The following ERC1 variants were observed in gnomAD, a reference collection of about 807,000 sequenced individuals.
ERC1 encodes the protein ELKS/RAB6-interacting/CAST family member 1.
In ERC1, 56 loss-of-function variants were observed where a neutral mutation model predicts 132.0. The ratio of observed to expected loss-of-function variants is 0.42; its 90% CI spans 0.34 to 0.53. The LOEUF is 0.53. ERC1 is among the 20% of genes least tolerant of loss of function. The pLI, the probability that ERC1 is intolerant of heterozygous loss-of-function variation, is 0.03. For synonymous variants in ERC1, 478 were observed against 476.1 expected (o/e 1.00, Z -0.05); for missense variants, 1,202 against 1,349.9 (o/e 0.89, Z 1.72).
intron 2 of ERC1, among the ~76,000 whole-genome samples, chr12:1,059,660 C>T (rs1322577477): frequency 1.1e-4 from 17 of 151,930 alleles, no homozygotes; most frequent in Admixed American, 6.6e-4. Flanking sequence ...GTATGTTGAA[C>T]CATCCTTGCA....
At chr12:1,134,383 G>A (rs1391194254) in intron 7 of ERC1, among the ~76,000 whole-genome samples, 1 of 145,168 alleles carries the variant, frequency 6.9e-6, no homozygotes, top group African/African-American at 2.6e-5. Context: ...GTCTTGCTTT[G>A]CTACCAAGGC....
At chr12:1,132,386 T>C (rs1283226670) in intron 7 of ERC1, among the ~76,000 whole-genome samples, 1 of 152,378 alleles carries the variant, frequency 6.6e-6, no homozygotes, top group Non-Finnish European at 1.5e-5. Flanking sequence ...GCCACACTTA[T>C]ACTAAAGGTT....
At chr12:1,135,617 G>A (rs1050915062) in intron 7 of ERC1, among the ~76,000 whole-genome samples, 1 of 152,134 alleles carries the variant, frequency 6.6e-6, no homozygotes, top group Admixed American at 6.5e-5. Flanking sequence ...TGCAATGACT[G>A]GAGTCCTTAT....
At chr12:1,004,455 G>A (rs7138863) in intron 1 of ERC1, among the ~76,000 whole-genome samples, 35,956 of 137,340 alleles carry the variant, frequency 0.26, 6,308 homozygotes, top group African/African-American at 0.52. Context: ...CGCCCAGGCT[G>A]GAGTGCAGTG....
intron 8 of ERC1, among the ~76,000 whole-genome samples, chr12:1,168,497 T>TTTTTTTG (rs1566132041): frequency 2.1e-5 from 3 of 142,178 alleles, no homozygotes; most frequent in Non-Finnish European, 1.5e-5. Context: ...TTTTTTTTTT[T>TTTTTTTG]TTTGGAGGAG....
intron 18 of ERC1, among the ~76,000 whole-genome samples, chr12:1,484,036 TG>T (rs1338294639): frequency 2.0e-5 from 3 of 149,696 alleles, no homozygotes; most frequent in Admixed American, 2.0e-4. Context: ...CCGGGCGTGG[TG>T]GCTCACGCCT....
At chr12:1,307,004 C>T (rs993464468) in intron 15 of ERC1, among the ~76,000 whole-genome samples, 2 of 152,072 alleles carry the variant, frequency 1.3e-5, no homozygotes, top group Non-Finnish European at 1.5e-5. Context: ...GAAGTGCTGA[C>T]GGGCTCCGGA....
At chr12:1,167,841 T>G (rs537067470) in intron 8 of ERC1, among the ~76,000 whole-genome samples, 2 of 151,654 alleles carry the variant, frequency 1.3e-5, no homozygotes, top group Non-Finnish European at 2.9e-5. Flanking sequence ...CTCAGCCTCC[T>G]TAGTACTCGG....
At chr12:1,372,564 G>T (rs2087369413) in intron 16 of ERC1, among the ~76,000 whole-genome samples, 1 of 152,202 alleles carries the variant, frequency 6.6e-6, no homozygotes, top group Non-Finnish European at 1.5e-5. Flanking sequence ...CGTTAAAATG[G>T]TAACTTTTAT....
At chr12:1,412,173 C>G (rs1379471092) in intron 17 of ERC1, among the ~76,000 whole-genome samples, 4 of 152,240 alleles carry the variant, frequency 2.6e-5, no homozygotes, top group African/African-American at 9.6e-5. Context: ...CCCTAAAACA[C>G]TGCAGAAGTT....
intron 1 of ERC1, among the ~76,000 whole-genome samples, chr12:1,015,781 A>G (rs1459841693): frequency 1.3e-5 from 2 of 152,254 alleles, no homozygotes. Context: ...GTTGAAATAC[A>G]GTATTAAAAA....
rs141315983 is a variant in ERC1, at chr12:1,371,420, G to A, written c.2781-413G>A. Among the ~76,000 whole-genome samples, 229 of 152,330 alleles carry A rather than the reference G, an allele frequency of 1.5e-3. 1 individual carries two copies. Among genetic ancestry groups the A allele is most frequent in the Middle Eastern group, 3.4e-3 (1 of 294 alleles). ...TTCCTGGCTGTACCATTTACTCCAG[G>A]TGTGAACTTGGGCAAGCTGTGTAAA... On this transcript the variant is annotated intron_variant, in intron 15 of 18. Coordinates refer to ENST00000360905, the MANE Select transcript of ERC1 (RefSeq NM_178040.4).
At chr12:1,006,481 C>A (rs1963630276) in intron 1 of ERC1, among the ~76,000 whole-genome samples, 1 of 152,106 alleles carries the variant, frequency 6.6e-6, no homozygotes, top group African/African-American at 2.4e-5. Flanking sequence ...CCTTCCACTC[C>A]TAAGTGATCT....
chr12:1,432,170 G>C (rs1488448442), intron 17 of ERC1, among the ~76,000 whole-genome samples: 1 of 152,182 alleles, frequency 6.6e-6, no homozygotes, highest in African/African-American at 2.4e-5. Flanking sequence ...CTTAGGCTTT[G>C]CAAACTGTGT....
At chr12:1,464,722 G>A (rs560423659) in intron 18 of ERC1, among the ~76,000 whole-genome samples, 102 of 151,544 alleles carry the variant, frequency 6.7e-4, no homozygotes, top group African/African-American at 2.0e-3. Flanking sequence ...GGGTTTCACC[G>A]TGTTAGCCAG....
intron 8 of ERC1, among the ~76,000 whole-genome samples, chr12:1,169,209 A>C (rs760018430): frequency 2.0e-5 from 3 of 152,204 alleles, no homozygotes; most frequent in Non-Finnish European, 4.4e-5. Flanking sequence ...GCGATGATCG[A>C]TGCAACCTAG....
chr12:1,092,413 A>G (rs902797701), intron 3 of ERC1, among the ~76,000 whole-genome samples: 9 of 152,236 alleles, frequency 5.9e-5, no homozygotes, highest in African/African-American at 2.2e-4. Context: ...CAGTCCTGGT[A>G]TATTTGTTTG....
intron 17 of ERC1, among the ~76,000 whole-genome samples, chr12:1,439,694 G>T (rs1001837357): frequency 6.6e-6 from 1 of 152,154 alleles, no homozygotes; most frequent in Non-Finnish European, 1.5e-5. Flanking sequence ...AATTTGGCCT[G>T]ACCACATATC....
chr12:1,323,404 A>G (rs2082245190), intron 15 of ERC1, among the ~76,000 whole-genome samples: 1 of 152,214 alleles, frequency 6.6e-6, no homozygotes, highest in South Asian at 2.1e-4. Context: ...TACATATTGC[A>G]GTTTTTCAGG....
Sources: gnomAD v4.1 joint callset for allele counts (sites outside exome capture counted in the v4.1 genomes callset) on GRCh38, gnomAD v4.1.1 for gene constraint, MANE v1.5 for transcripts, NCBI Gene and HGNC (gene_info 2026-07-23, HGNC 2026-07-21) for gene names.